ZCCHC7: variants seen among roughly 807,000 people sequenced by gnomAD.
ZCCHC7 encodes the protein zinc finger CCHC domain-containing protein 7.
ZCCHC7 carries 35 observed loss-of-function variants against 52.0 expected under a neutral mutation model. The observed-to-expected ratio is 0.67, with a 90% CI of 0.51 to 0.89. The LOEUF (loss-of-function observed/expected upper bound fraction) is 0.89. ZCCHC7 is among the 40% of genes least tolerant of loss of function. ZCCHC7 has a pLI of 0.00. For missense variants in ZCCHC7, 574 were observed against 649.1 expected (o/e 0.88, Z 1.26); for synonymous variants, 217 against 221.5 (o/e 0.98, Z 0.18).
rs142232165 is a variant in ZCCHC7 at position 37,310,641 on chromosome 9, T to C, written c.951+4927T>C. Among the ~76,000 whole-genome samples, 1,085 of 152,294 alleles carry C rather than the reference T, an allele frequency of 7.1e-3. 12 individuals carry two copies. Among genetic ancestry groups the C allele is most frequent in the African/African-American group, 0.024 (1,018 of 41,556 alleles). On this transcript the variant is annotated intron_variant, in intron 5 of 8. Coordinates refer to ENST00000336755, the MANE Select transcript of ZCCHC7 (RefSeq NM_032226.3). The stretch of plus-strand genomic sequence containing the variant: ...TGACTATGTGGAGAAAGCTTACATA[T>C]TGGCAATCAAGGAATCATCAGTTTA...
At chr9:37,256,050 C>T (rs917753967) in intron 2 of ZCCHC7, among the ~76,000 whole-genome samples, 8 of 152,142 alleles carry the variant, frequency 5.3e-5, no homozygotes, top group African/African-American at 1.9e-4. Flanking sequence ...AAGCATTCTA[C>T]ATTGTTTCCA....
At chr9:37,153,132 T>A (rs1395061788) in intron 2 of ZCCHC7, among the ~76,000 whole-genome samples, 2 of 152,030 alleles carry the variant, frequency 1.3e-5, no homozygotes, top group African/African-American at 4.8e-5. Context: ...TTTTATTTTT[T>A]AAAATTTTAT....
At chr9:37,325,873 C>G (rs1320169026) in intron 5 of ZCCHC7, among the ~76,000 whole-genome samples, 1 of 152,134 alleles carries the variant, frequency 6.6e-6, no homozygotes, top group Non-Finnish European at 1.5e-5. Flanking sequence ...TACTAATTTT[C>G]TATATTGGGC....
At chr9:37,155,607 A>C (rs139658556) in intron 2 of ZCCHC7, among the ~76,000 whole-genome samples, 1 of 152,190 alleles carries the variant, frequency 6.6e-6, no homozygotes, top group South Asian at 2.1e-4. Flanking sequence ...AAGAACATTC[A>C]ATCTTCGTAA....
At chr9:37,258,205 C>G (rs1047692589) in intron 2 of ZCCHC7, among the ~76,000 whole-genome samples, 3 of 152,120 alleles carry the variant, frequency 2.0e-5, no homozygotes, top group Non-Finnish European at 2.9e-5. Context: ...TCCTCAATTT[C>G]TCCAGTTATA....
At chr9:37,124,000 C>T (rs1842435235) in intron 1 of ZCCHC7, among the ~76,000 whole-genome samples, 1 of 152,118 alleles carries the variant, frequency 6.6e-6, no homozygotes, top group African/African-American at 2.4e-5. Context: ...ACAAACAACT[C>T]CAGTAGGAAT....
chr9:37,257,844 A>T (rs1411243898), intron 2 of ZCCHC7, among the ~76,000 whole-genome samples: 1 of 152,212 alleles, frequency 6.6e-6, no homozygotes, highest in Non-Finnish European at 1.5e-5. Context: ...AGCTAAGCAG[A>T]TGCTGGTGCC....
intron 2 of ZCCHC7, among the ~76,000 whole-genome samples, chr9:37,273,022 C>A (rs1177674703): frequency 6.6e-6 from 1 of 152,190 alleles, no homozygotes; most frequent in African/African-American, 2.4e-5. Context: ...TTCAGTAGAG[C>A]AGGGGTTGGC....
chr9:37,341,548 A>G (rs1820637994), intron 6 of ZCCHC7, among the ~76,000 whole-genome samples: 1 of 152,052 alleles, frequency 6.6e-6, no homozygotes, highest in African/African-American at 2.4e-5. Flanking sequence ...TGGGGTTGGG[A>G]GTGGATAGGT....
At chr9:37,258,612 G>T (rs772212596) in intron 2 of ZCCHC7, among the ~76,000 whole-genome samples, 4 of 151,680 alleles carry the variant, frequency 2.6e-5, no homozygotes, top group Non-Finnish European at 5.9e-5. Flanking sequence ...AAAAATTGGC[G>T]TGGCACATGC....
At chr9:37,128,232 G>T (rs1229981753) in intron 2 of ZCCHC7, among the ~76,000 whole-genome samples, 1 of 152,172 alleles carries the variant, frequency 6.6e-6, no homozygotes, top group African/African-American at 2.4e-5. Flanking sequence ...AAGGAAGAGA[G>T]ACACTAGTAA....
At chr9:37,214,342 A>G (rs1283364250) in intron 2 of ZCCHC7, among the ~76,000 whole-genome samples, 1 of 152,066 alleles carries the variant, frequency 6.6e-6, no homozygotes, top group Non-Finnish European at 1.5e-5. Context: ...TTTTCTAGAT[A>G]CATAGAAAGG....
At chr9:37,196,897 T>C (rs975487767) in intron 2 of ZCCHC7, among the ~76,000 whole-genome samples, 6 of 152,174 alleles carry the variant, frequency 3.9e-5, no homozygotes, top group African/African-American at 7.2e-5. Context: ...CACTTTTTTG[T>C]GTGAAGGATA....
chr9:37,170,133 C>T (rs903419501), intron 2 of ZCCHC7, among the ~76,000 whole-genome samples: 2 of 151,480 alleles, frequency 1.3e-5, no homozygotes, highest in Non-Finnish European at 2.9e-5. Flanking sequence ...CAAGTTTGTT[C>T]TTTTCAGTGT....
chr9:37,205,555 C>T (rs146606177), intron 2 of ZCCHC7, among the ~76,000 whole-genome samples: 60 of 152,288 alleles, frequency 3.9e-4, no homozygotes, highest in African/African-American at 1.3e-3. Context: ...CTCGCTCAGT[C>T]GCCCAGGTTG....
chr9:37,303,590 C>A (rs1480055887), intron 3 of ZCCHC7, among the ~76,000 whole-genome samples: 1 of 142,400 alleles, frequency 7.0e-6, no homozygotes, highest in Non-Finnish European at 1.5e-5. Flanking sequence ...ACTCAGCAGG[C>A]GGGAGGGGCA....
At chr9:37,335,658 G>A (rs972695118) in intron 6 of ZCCHC7, among the ~76,000 whole-genome samples, 1 of 152,106 alleles carries the variant, frequency 6.6e-6, no homozygotes. Flanking sequence ...AATGTCTTCT[G>A]CCCAACATTA....
At chr9:37,155,716 T>G (rs1015706497) in intron 2 of ZCCHC7, among the ~76,000 whole-genome samples, 4 of 152,212 alleles carry the variant, frequency 2.6e-5, no homozygotes, top group Non-Finnish European at 5.9e-5. Flanking sequence ...TCTCCAAATT[T>G]CAGAGTCCTA....
chr9:37,127,138 G>T (rs1325180698), intron 2 of ZCCHC7, among the ~76,000 whole-genome samples, 196 bp downstream of exon 2: 1 of 152,198 alleles, frequency 6.6e-6, no homozygotes, highest in Non-Finnish European at 1.5e-5. Flanking sequence ...GAAAGAGTAT[G>T]TCAGAATACC....
Sources: gnomAD v4.1 joint callset for allele counts (sites outside exome capture counted in the v4.1 genomes callset) on GRCh38, gnomAD v4.1.1 for gene constraint, MANE v1.5 for transcripts, NCBI Gene and HGNC (gene_info 2026-07-23, HGNC 2026-07-21) for gene names.